Variants in TMEM44 observed in about 807,000 individuals in gnomAD.
TMEM44 encodes transmembrane protein 44.
A neutral mutation model predicts 47.8 loss-of-function variants in TMEM44; 43 were observed. The observed-to-expected ratio is 0.90, with a 90% CI of 0.70 to 1.16. The LOEUF (loss-of-function observed/expected upper bound fraction) is 1.16, where lower values mean the gene tolerates loss of function less well. TMEM44 is among the 50% of genes most tolerant of loss of function. The probability of loss-of-function intolerance (pLI) is 0.00; values close to 1 mark genes in which losing one functional copy is unlikely to be tolerated. For missense variants in TMEM44, 568 were observed against 555.2 expected (o/e 1.02, Z -0.23); for synonymous variants, 277 against 238.8 (o/e 1.16, Z -1.48).
intron 8 of TMEM44, among the ~76,000 whole-genome samples, chr3:194,607,272 C>T (rs1714881257): frequency 6.6e-6 from 1 of 152,118 alleles, no homozygotes. Context: ...CCTGAGGCCT[C>T]ACCAGTGCAG....
intron 8 of TMEM44, among the ~76,000 whole-genome samples, chr3:194,606,783 T>C (rs922863883): frequency 2.0e-5 from 3 of 151,628 alleles, no homozygotes; most frequent in African/African-American, 4.8e-5. Context: ...CTACTAAAAA[T>C]ACACACACAC....
intron 9 of TMEM44, among the ~76,000 whole-genome samples, chr3:194,598,942 AC>A (rs1713743050): frequency 6.6e-6 from 1 of 152,146 alleles, no homozygotes; most frequent in African/African-American, 2.4e-5. Context: ...AAGGGATCAA[AC>A]GGAAGCCGAG....
rs2108597896 is a variant in TMEM44, at chr3:194,623,526, C to T, written c.525+3G>A. The T allele has an allele frequency of 1.3e-6, 2 of 1,583,354 alleles. No individual in the cohort carries two copies. The highest frequency in any genetic ancestry group is 1.7e-6 in the Non-Finnish European group (2 of 1,167,272). On this transcript the variant is annotated splice_donor_region_variant and intron_variant, in intron 4 of 9. Coordinates refer to ENST00000347147, the MANE Select transcript of TMEM44 (RefSeq NM_001011655.3). ...AGTCCTCCCCACGGTGGCCCAGCCTCACCTGCAGCAGGCTCGCTAGCAGCC... is the reference window on the plus strand; with the variant it reads ...AGTCCTCCCCACGGTGGCCCAGCCTTACCTGCAGCAGGCTCGCTAGCAGCC...
intron 9 of TMEM44, among the ~76,000 whole-genome samples, chr3:194,594,763 GCAAA>G (rs1227736094): frequency 4.6e-5 from 7 of 152,270 alleles, no homozygotes; most frequent in African/African-American, 1.4e-4. Flanking sequence ...TTAAAGCCAA[GCAAA>G]CAAACAAGCA....
intron 3 of TMEM44, among the ~76,000 whole-genome samples, chr3:194,625,291 C>T (rs1218465445): frequency 6.6e-6 from 1 of 152,164 alleles, no homozygotes; most frequent in African/African-American, 2.4e-5. Flanking sequence ...GCTCTGTGTG[C>T]CTGGAGTGCC....
intron 8 of TMEM44, among the ~76,000 whole-genome samples, chr3:194,605,564 T>C (rs113704896): frequency 0.036 from 5,545 of 152,186 alleles, 123 homozygotes; most frequent in African/African-American, 0.045. Flanking sequence ...GGGGAGCTCC[T>C]CTTTATAAAA....
chr3:194,588,757 A>G (rs1470924908), intron 9 of TMEM44, 118 bp from the exon 10 acceptor site: 3 of 983,990 alleles, frequency 3.0e-6, no homozygotes, highest in African/African-American at 3.2e-5. Flanking sequence ...GGCACAGACA[A>G]GGACAAAAGG....
At chr3:194,614,960 C>T (rs116350564) in intron 7 of TMEM44, among the ~76,000 whole-genome samples, 213 of 152,102 alleles carry the variant, frequency 1.4e-3, no homozygotes, top group African/African-American at 4.8e-3. Context: ...AACTGGGCTA[C>T]GCACCACGGC....
chr3:194,626,008 G>T lies in TMEM44; in HGVS notation c.265-18C>A. 1 of 1,581,712 alleles carries T rather than the reference G, an allele frequency of 6.3e-7. No individual in the cohort carries two copies. Among genetic ancestry groups the T allele is most frequent in the South Asian group, 1.1e-5 (1 of 90,364 alleles). On this transcript the variant is annotated intron_variant, in intron 2 of 9. Coordinates refer to ENST00000347147, the MANE Select transcript of TMEM44 (RefSeq NM_001011655.3). ...GTGAAAACCTGGGAGCAAACGGGAA[G>T]AGAGTCTTGGCATTCAAGCATCTTT... is the stretch of plus-strand genomic sequence containing the variant.
intron 9 of TMEM44, among the ~76,000 whole-genome samples, chr3:194,590,469 C>G (rs938801387): frequency 6.6e-6 from 1 of 152,188 alleles, no homozygotes; most frequent in African/African-American, 2.4e-5. Context: ...CCTTTCTGAC[C>G]TTATCAGACC....
rs746560110 is a variant in TMEM44 at position 194,628,528 on chromosome 3, G to A, written c.138-19C>T. On this transcript the variant is annotated intron_variant, in intron 1 of 9. Coordinates refer to ENST00000347147, the MANE Select transcript of TMEM44 (RefSeq NM_001011655.3). Reference sequence around the variant, plus strand: ...GAGAAGCCTGGGGTGACAGGGGTGTGGACAGAACACAGCAACTGTGAGTTT... The same window carrying A: ...GAGAAGCCTGGGGTGACAGGGGTGTAGACAGAACACAGCAACTGTGAGTTT... 1.3e-6 allele frequency: 2 copies of A among 1,598,452 alleles called. No individual in the cohort carries two copies. Among genetic ancestry groups the A allele is most frequent in the Non-Finnish European group, 1.7e-6 (2 of 1,170,938 alleles).
Position 194,628,256 on chromosome 3 carries a change from T to A in TMEM44, c.264+127A>T. 5 of 1,318,986 alleles carry A rather than the reference T, an allele frequency of 3.8e-6. No homozygotes were observed. The South Asian group carries it at 7.8e-5, about 20-fold the overall frequency. The allele number at this position is 1,318,986 out of a possible 1,614,324, so 81.7% of individuals were successfully genotyped here. A position where few individuals can be genotyped will look rare whatever the true frequency, so the allele number is the denominator to read the frequency against. On this transcript the variant is annotated intron_variant, in intron 2 of 9. Coordinates refer to ENST00000347147, the MANE Select transcript of TMEM44 (RefSeq NM_001011655.3). ...GCAGAAGGAACAGCCAGGCACAGGTTCTGAGGTGACACTGTGCTATGCATG... is the reference window on the plus strand; with the variant it reads ...GCAGAAGGAACAGCCAGGCACAGGTACTGAGGTGACACTGTGCTATGCATG...
At position 194,623,647 on chromosome 3, in the gene TMEM44, A is replaced by T. The variant is rs1318881974; in HGVS notation, c.407T>A (p.Val136Glu). 6.2e-7 allele frequency: 1 copy of T among 1,612,994 alleles called. No individual in the cohort carries two copies. The highest frequency in any genetic ancestry group is 2.2e-5 in the East Asian group (1 of 44,870). ...RKRRRQLRAS[V>E]FALALPLSLG... is the part of the protein sequence containing the mutation. ...GCTCAGCGGCAGGGCCAGGGCAAAC[A>T]CACTGGCCCTGAGCTGCCGCCTCCT... Residue 136 changes from valine (V) to glutamate (E), a missense_variant, in exon 4 of 10, where the codon GTG becomes GAG. By Grantham distance (121) the Val-to-Glu change is moderately radical. Transcript: ENST00000347147.
At chr3:194,631,624 T>G (rs1381457928) in intron 1 of TMEM44, among the ~76,000 whole-genome samples, 2 of 152,094 alleles carry the variant, frequency 1.3e-5, no homozygotes, top group African/African-American at 4.8e-5. Flanking sequence ...ACCCTCCCAT[T>G]TGAGAGGACA....
At chr3:194,627,251 T>G (rs1284098727) in intron 2 of TMEM44, among the ~76,000 whole-genome samples, 5 of 152,328 alleles carry the variant, frequency 3.3e-5, no homozygotes, top group Non-Finnish European at 7.4e-5. Flanking sequence ...TGAAAGGTGA[T>G]TTGCTTTTGA....
chr3:194,593,007 C>G (rs912040273), intron 9 of TMEM44: 17 of 1,612,936 alleles, frequency 1.1e-5, no homozygotes, highest in Non-Finnish European at 1.4e-5. Context: ...ATAGGAAGTC[C>G]CTCCTGGAAG....
chr3:194,630,857 T>C (rs959275191), intron 1 of TMEM44, among the ~76,000 whole-genome samples: 3 of 146,100 alleles, frequency 2.1e-5, no homozygotes, highest in African/African-American at 5.1e-5. Flanking sequence ...AATAATACGC[T>C]GTCGTACCTG....
intron 8 of TMEM44, 143 bp from the exon 9 acceptor site, chr3:194,604,588 C>T: frequency 1.9e-6 from 2 of 1,071,708 alleles, no homozygotes. Flanking sequence ...CCTGCCCTGG[C>T]CATCCAGCTC....
chr3:194,602,627 G>A (rs1418872006), intron 9 of TMEM44, among the ~76,000 whole-genome samples: 1 of 151,390 alleles, frequency 6.6e-6, no homozygotes, highest in East Asian at 1.9e-4. Flanking sequence ...AGGAAAGAAA[G>A]GTACGTGCTC....
Sources: gnomAD v4.1 joint callset for allele counts (sites outside exome capture counted in the v4.1 genomes callset) on GRCh38, gnomAD v4.1.1 for gene constraint, MANE v1.5 for transcripts, NCBI Gene and HGNC (gene_info 2026-07-23, HGNC 2026-07-21) for gene names.